The following SIPA1L3 variants were observed in gnomAD, a reference collection of about 807,000 sequenced individuals.
SIPA1L3 encodes signal-induced proliferation-associated 1-like protein 3.
In SIPA1L3, 59 loss-of-function variants were observed where a neutral mutation model predicts 150.1. That is an observed-to-expected ratio of 0.39 (90% CI 0.32 to 0.49). The LOEUF (loss-of-function observed/expected upper bound fraction) is 0.49. Among genes scored for constraint, SIPA1L3 ranks in the 20% least tolerant of loss-of-function variants. The pLI is 0.86. For missense variants in SIPA1L3, 2,211 were observed against 2,489.5 expected (o/e 0.89, Z 2.38); for synonymous variants, 1,070 against 1,077.6 (o/e 0.99, Z 0.14).
At chr19:37,943,039 T>C (rs1351387575) in intron 1 of SIPA1L3, among the ~76,000 whole-genome samples, 1 of 144,750 alleles carries the variant, frequency 6.9e-6, no homozygotes, top group Non-Finnish European at 1.5e-5. Flanking sequence ...TCTCTCTTTT[T>C]TTTTTTTTTT....
At chr19:37,942,390 G>T (rs1356214881) in intron 1 of SIPA1L3, among the ~76,000 whole-genome samples, 2 of 151,786 alleles carry the variant, frequency 1.3e-5, no homozygotes, top group Non-Finnish European at 2.9e-5. Flanking sequence ...TGACATGCCA[G>T]CTGAGAGTGG....
chr19:37,953,469 G>A (rs1353409694), intron 1 of SIPA1L3, among the ~76,000 whole-genome samples: 1 of 152,130 alleles, frequency 6.6e-6, no homozygotes, highest in Non-Finnish European at 1.5e-5. Flanking sequence ...GCTAATAGTG[G>A]GAAATATTCA....
At chr19:38,007,595 T>TTTATTA (rs759062297) in intron 1 of SIPA1L3, among the ~76,000 whole-genome samples, 10 of 151,522 alleles carry the variant, frequency 6.6e-5, no homozygotes, top group East Asian at 1.9e-4. Context: ...CTCTTCATTA[T>TTTATTA]TTATTATTAT....
intron 13 of SIPA1L3, among the ~76,000 whole-genome samples, chr19:38,158,417 A>G (rs1971999142): frequency 6.6e-6 from 1 of 152,190 alleles, no homozygotes; most frequent in Non-Finnish European, 1.5e-5. Flanking sequence ...GATGAGGCCC[A>G]TGTGGTGAGA....
intron 2 of SIPA1L3, among the ~76,000 whole-genome samples, chr19:38,068,300 A>G (rs1469077163): frequency 1.3e-5 from 2 of 152,086 alleles, no homozygotes; most frequent in Admixed American, 6.6e-5. Flanking sequence ...AAGTGCTGGG[A>G]TTACAGGCGT....
chr19:38,202,440 T>C (rs757086510), intron 20 of SIPA1L3, among the ~76,000 whole-genome samples: 1 of 151,622 alleles, frequency 6.6e-6, no homozygotes, highest in Non-Finnish European at 1.5e-5. Context: ...ATACAAAAAT[T>C]AGCCGGGCGT....
At position 38,206,252 on chromosome 19, in the gene SIPA1L3, G is replaced by T. The variant is rs548159536; in HGVS notation, c.*12G>T. 8.5e-6 allele frequency: 13 copies of T among 1,537,778 alleles called. No individual in the cohort carries two copies. Among genetic ancestry groups the T allele is most frequent in the Non-Finnish European group, 1.1e-5 (13 of 1,137,648 alleles). ...AGAAGGAGCTCTGAGGTGGGAGGCCGCCGCCCGCCTTCGCTCCTTCCCCTC... is the reference window on the plus strand; with the variant it reads ...AGAAGGAGCTCTGAGGTGGGAGGCCTCCGCCCGCCTTCGCTCCTTCCCCTC... On this transcript the variant is annotated 3_prime_UTR_variant, in exon 22 of 22. Transcript: ENST00000222345.
intron 3 of SIPA1L3, among the ~76,000 whole-genome samples, chr19:38,085,000 A>G (rs1184789043): frequency 6.6e-6 from 1 of 152,124 alleles, no homozygotes; most frequent in South Asian, 2.1e-4. Flanking sequence ...AACAAATGTC[A>G]GTTAAGTCAT....
intron 2 of SIPA1L3, among the ~76,000 whole-genome samples, chr19:38,075,509 G>A (rs981596754): frequency 2.0e-5 from 3 of 151,954 alleles, no homozygotes; most frequent in South Asian, 2.1e-4. Flanking sequence ...GGGTGGGTGC[G>A]GTGGTTCACG....
intron 13 of SIPA1L3, among the ~76,000 whole-genome samples, chr19:38,154,412 C>G (rs1971895779): frequency 6.6e-6 from 1 of 152,056 alleles, no homozygotes; most frequent in African/African-American, 2.4e-5. Context: ...AGTGAAATTT[C>G]TAGGTCATAT....
At chr19:37,950,769 T>G (rs1452422203) in intron 1 of SIPA1L3, among the ~76,000 whole-genome samples, 1 of 152,240 alleles carries the variant, frequency 6.6e-6, no homozygotes, top group Non-Finnish European at 1.5e-5. Context: ...TACCCCGGCA[T>G]GCGGCACTTT....
rs190585708 is a variant in SIPA1L3, at chr19:38,140,785, C to T, written c.3144-399C>T. Among the ~76,000 whole-genome samples, 21 of 152,206 alleles carry T rather than the reference C, an allele frequency of 1.4e-4. No homozygotes were observed. In the East Asian group the frequency reaches 3.3e-3, roughly 24 times the overall value. On this transcript the variant is annotated intron_variant, in intron 10 of 21. Coordinates refer to ENST00000222345, the MANE Select transcript of SIPA1L3 (RefSeq NM_015073.3). The stretch of plus-strand genomic sequence containing the variant: ...AAAATAGGCCATCCCCAGCCGGGCG[C>T]GGTGGCTCACTCCTATAATCCCAGC...
At chr19:38,005,156 A>G (rs1666660225) in intron 1 of SIPA1L3, among the ~76,000 whole-genome samples, 1 of 147,850 alleles carries the variant, frequency 6.8e-6, no homozygotes, top group South Asian at 2.1e-4. Flanking sequence ...GTCCCCTGCC[A>G]CGTGCCTACT....
chr19:37,923,185 G>T (rs1304224376), intron 1 of SIPA1L3, among the ~76,000 whole-genome samples: 1 of 151,930 alleles, frequency 6.6e-6, no homozygotes, highest in Non-Finnish European at 1.5e-5. Context: ...TTGGTGATAA[G>T]TGCGAGGGAG....
chr19:38,104,839 A>G (rs945117074), intron 6 of SIPA1L3, among the ~76,000 whole-genome samples: 5 of 151,614 alleles, frequency 3.3e-5, no homozygotes, highest in African/African-American at 1.2e-4. Flanking sequence ...CCAAAGTGCT[A>G]GGATTACAGG....
intron 1 of SIPA1L3, among the ~76,000 whole-genome samples, chr19:37,982,965 C>T (rs1599865960): frequency 6.6e-6 from 1 of 152,192 alleles, no homozygotes; most frequent in African/African-American, 2.4e-5. Flanking sequence ...GGTTCTCTGG[C>T]AGGCATACCA....
chr19:38,187,279 C>A (rs1259135723), intron 16 of SIPA1L3, among the ~76,000 whole-genome samples: 3 of 151,752 alleles, frequency 2.0e-5, no homozygotes, highest in Non-Finnish European at 2.9e-5. Context: ...TGGTGAAACC[C>A]CATCTCTACT....
chr19:37,982,810 G>C (rs1027870175), intron 1 of SIPA1L3, among the ~76,000 whole-genome samples: 1 of 152,190 alleles, frequency 6.6e-6, no homozygotes, highest in African/African-American at 2.4e-5. Context: ...GGACAACCTG[G>C]GCTTTCCCGG....
At chr19:38,184,493 T>C (rs1972635381) in intron 16 of SIPA1L3, 2 of 152,578 alleles carry the variant, frequency 1.3e-5, no homozygotes. Context: ...CCTCCCCCTT[T>C]TACAGATGAG....
Sources: allele counts gnomAD v4.1 joint callset (sites outside exome capture counted in the v4.1 genomes callset), GRCh38; gene constraint gnomAD v4.1.1; transcripts MANE v1.5; gene names NCBI Gene and HGNC (gene_info 2026-07-23, HGNC 2026-07-21).